Variants in BBX observed in about 807,000 individuals in gnomAD.
BBX encodes BBX high mobility group box domain containing.
Under a neutral mutation model 100.2 loss-of-function variants are expected in BBX, and 30 were observed. The ratio of observed to expected loss-of-function variants is 0.30; its 90% confidence interval spans 0.22 to 0.41. BBX has a LOEUF of 0.41. Ranked by LOEUF, BBX falls within the 10% of genes least tolerant of loss-of-function variation. The pLI, the probability that BBX is intolerant of heterozygous loss-of-function variation, is 1.00. For synonymous variants in BBX, 376 were observed against 388.1 expected (o/e 0.97, Z 0.37); for missense variants, 1,023 against 1,129.8 (o/e 0.91, Z 1.35).
chr3:107,637,484 A>C (rs548048847), intron 2 of BBX, among the ~76,000 whole-genome samples: 13 of 152,186 alleles, frequency 8.5e-5, no homozygotes, highest in Non-Finnish European at 1.5e-4. Flanking sequence ...ATATTCCAGA[A>C]GGGCAGTGTG....
Position 107,810,356 on chromosome 3 carries a change from C to G in BBX, c.*4899C>G, listed in dbSNP as rs2071239163. On this transcript the variant is annotated 3_prime_UTR_variant, in exon 18 of 18. Transcript: ENST00000325805. ...TTTGCAGTCAGTGGTCAAAACTGAT[C>G]ATGTGCTTAAATCGATTTTTATGCA... 1 of 152,106 alleles carries G rather than the reference C, an allele frequency of 6.6e-6. No homozygotes were observed. The highest frequency in any genetic ancestry group is 1.5e-5 in the Non-Finnish European group (1 of 68,024). 9.4% of individuals were successfully genotyped at this position (152,106 alleles called of 1,614,324 possible).
chr3:107,739,758 T>C (rs769778050), intron 7 of BBX, among the ~76,000 whole-genome samples: 10 of 152,176 alleles, frequency 6.6e-5, no homozygotes, highest in Non-Finnish European at 1.0e-4. Context: ...GGAGAGCACA[T>C]TGATGTACAC....
At chr3:107,760,105 A>C (rs1372703295) in intron 10 of BBX, among the ~76,000 whole-genome samples, 1 of 152,242 alleles carries the variant, frequency 6.6e-6, no homozygotes, top group Non-Finnish European at 1.5e-5. Flanking sequence ...TAGAAGTTAT[A>C]TAACTTGTTT....
intron 5 of BBX, among the ~76,000 whole-genome samples, chr3:107,717,120 A>G (rs2062162949): frequency 1.3e-5 from 2 of 152,146 alleles, no homozygotes; most frequent in Admixed American, 1.3e-4. Context: ...GATATAAGGG[A>G]TTGATTTATT....
chr3:107,643,114 GACA>G (rs2057316515), intron 2 of BBX, among the ~76,000 whole-genome samples: 1 of 152,076 alleles, frequency 6.6e-6, no homozygotes, highest in South Asian at 2.1e-4. Flanking sequence ...TGTTATGCTG[GACA>G]TTAACACTAA....
At chr3:107,774,931 T>A (rs2067205225) in intron 12 of BBX, 74 bp downstream of exon 12, 3 of 1,537,050 alleles carry the variant, frequency 2.0e-6, no homozygotes, top group Non-Finnish European at 1.8e-6. Flanking sequence ...GGTAAACAGA[T>A]CACTAACTAC....
intron 6 of BBX, among the ~76,000 whole-genome samples, chr3:107,732,213 C>G (rs2063358808): frequency 2.6e-5 from 4 of 152,088 alleles, no homozygotes; most frequent in Admixed American, 2.6e-4. Context: ...CCACTGTTCC[C>G]AATTCTGCTT....
chr3:107,549,854 C>T lies in BBX; in HGVS notation c.-84+23456C>T, dbSNP rs528800575. ...ACTGAGAAAAAGTGTCTTAAGTAAGCGTGCTTGTTCTTACCTTTTTTTTTT... is the reference window on the plus strand; with the variant it reads ...ACTGAGAAAAAGTGTCTTAAGTAAGTGTGCTTGTTCTTACCTTTTTTTTTT... On this transcript the variant is annotated intron_variant, in intron 2 of 17. Transcript: ENST00000325805. Among the ~76,000 whole-genome samples, 6 of 143,304 alleles carry T rather than the reference C, an allele frequency of 4.2e-5. No individual in the cohort carries two copies. In the South Asian group the frequency reaches 6.8e-4, roughly 16 times the overall value. The allele number at this position is 143,304 out of a possible 152,430, so 94.0% of individuals were successfully genotyped here.
At chr3:107,611,817 C>G (rs959664110) in intron 2 of BBX, among the ~76,000 whole-genome samples, 1 of 152,130 alleles carries the variant, frequency 6.6e-6, no homozygotes. Flanking sequence ...CTGGAATAAA[C>G]TTTCTACCCC....
rs1261766411 is a variant in BBX, at chr3:107,772,827, A to C, written c.1106A>C (p.Glu369Ala). 2 of 1,613,584 alleles carry C rather than the reference A, an allele frequency of 1.2e-6. No individual in the cohort carries two copies. The highest frequency in any genetic ancestry group is 1.7e-6 in the Non-Finnish European group (2 of 1,179,908). ...AAGGAAAATTTAAGAGATTCTAAGGAATTGAGAAATTTTGAGGCATTGCAA... is the reference window on the plus strand; with the variant it reads ...AAGGAAAATTTAAGAGATTCTAAGGCATTGAGAAATTTTGAGGCATTGCAA... ...SAKENLRDSK[E>A]LRNFEALQID... The change falls in exon 11 of 18, where the codon GAA becomes GCA. Residue 369 changes from glutamate (E) to alanine (A), a missense_variant. Transcript: ENST00000325805.
chr3:107,725,263 C>T (rs1210225192), intron 5 of BBX, among the ~76,000 whole-genome samples: 1 of 152,044 alleles, frequency 6.6e-6, no homozygotes, highest in African/African-American at 2.4e-5. Flanking sequence ...GATTTTGTAT[C>T]CTGAGACTTT....
intron 5 of BBX, among the ~76,000 whole-genome samples, chr3:107,727,084 T>C (rs1315675004): frequency 6.6e-6 from 1 of 151,386 alleles, no homozygotes; most frequent in Admixed American, 6.6e-5. Flanking sequence ...TCTTAAAAAT[T>C]TTAAACTACC....
At chr3:107,656,474 A>G (rs1193288926) in intron 3 of BBX, among the ~76,000 whole-genome samples, 2 of 152,156 alleles carry the variant, frequency 1.3e-5, no homozygotes, top group African/African-American at 4.8e-5. Flanking sequence ...CTTGTTGAGT[A>G]TGTAAACATC....
chr3:107,655,768 T>G (rs908113210), intron 3 of BBX, among the ~76,000 whole-genome samples: 4 of 151,604 alleles, frequency 2.6e-5, no homozygotes, highest in Non-Finnish European at 5.9e-5. Flanking sequence ...TGACACAATC[T>G]CAGCTCACTG....
intron 2 of BBX, among the ~76,000 whole-genome samples, chr3:107,530,201 G>A (rs981699363): frequency 1.3e-5 from 2 of 152,088 alleles, no homozygotes; most frequent in Non-Finnish European, 2.9e-5. Flanking sequence ...AGACCAGCCT[G>A]GCCAACATGG....
At chr3:107,725,147 G>A (rs1262961756) in intron 5 of BBX, among the ~76,000 whole-genome samples, 1 of 152,114 alleles carries the variant, frequency 6.6e-6, no homozygotes, top group East Asian at 1.9e-4. Context: ...TGGATTGCTA[G>A]GTATTTTATT....
At chr3:107,680,105 A>G (rs1253423851) in intron 3 of BBX, among the ~76,000 whole-genome samples, 1 of 152,196 alleles carries the variant, frequency 6.6e-6, no homozygotes, top group Admixed American at 6.6e-5. Context: ...TACTGTGGCC[A>G]GAAGGCTGTC....
rs573437135 is a variant in BBX, at chr3:107,725,317, A to G, written c.406-3448A>G. 6.6e-5 allele frequency among the ~76,000 whole-genome samples: 10 copies of G among 152,238 alleles called. No homozygotes were observed. The East Asian group carries it at 1.5e-3, about 24-fold the overall frequency. Reference sequence around the variant, plus strand: ...CTTAAGGAGATTTTGGGCTGAGACAATGGGGTTTTCTAGATATACAATCAT... The same window carrying G: ...CTTAAGGAGATTTTGGGCTGAGACAGTGGGGTTTTCTAGATATACAATCAT... On this transcript the variant is annotated intron_variant, in intron 5 of 17. Transcript: ENST00000325805.
intron 15 of BBX, among the ~76,000 whole-genome samples, chr3:107,794,435 C>T (rs1014306757): frequency 1.8e-4 from 27 of 151,110 alleles, no homozygotes; most frequent in Admixed American, 6.6e-4. Flanking sequence ...TATTTCACAA[C>T]GGGGAAAAAA....
Sources: gnomAD v4.1 joint callset for allele counts (sites outside exome capture counted in the v4.1 genomes callset) on GRCh38, gnomAD v4.1.1 for gene constraint, MANE v1.5 for transcripts, NCBI Gene and HGNC (gene_info 2026-07-23, HGNC 2026-07-21) for gene names.